Variants in ARHGEF3 observed in about 807,000 individuals in gnomAD.
ARHGEF3 encodes the protein 59.8 kDA protein.
Under a neutral mutation model 63.2 loss-of-function variants are expected in ARHGEF3, and 28 were observed. The observed-to-expected ratio is 0.44, with a 90% confidence interval of 0.33 to 0.61. The LOEUF is 0.61. Ranked by LOEUF, ARHGEF3 falls within the 20% of genes least tolerant of loss-of-function variation. The pLI, the probability that ARHGEF3 is intolerant of heterozygous loss-of-function variation, is 0.03. For missense variants in ARHGEF3, 533 were observed against 659.3 expected (o/e 0.81, Z 2.10); for synonymous variants, 266 against 254.2 (o/e 1.05, Z -0.44).
intron 2 of ARHGEF3, among the ~76,000 whole-genome samples, chr3:57,000,018 C>T (rs1181375786): frequency 1.3e-5 from 2 of 152,064 alleles, no homozygotes; most frequent in Non-Finnish European, 2.9e-5. Flanking sequence ...TGACTTAACC[C>T]CTCTGAGCCT....
At chr3:56,949,614 C>T (rs560554686) in intron 3 of ARHGEF3, among the ~76,000 whole-genome samples, 24 of 152,088 alleles carry the variant, frequency 1.6e-4, no homozygotes, top group Middle Eastern at 3.4e-3. Flanking sequence ...CAAACCACTG[C>T]TCAATGAAAT....
At chr3:56,745,058 A>C in intron 7 of ARHGEF3, 147 bp downstream of exon 7, 1 of 1,057,066 alleles carries the variant, frequency 9.5e-7, no homozygotes, top group Non-Finnish European at 1.4e-6. Context: ...GCAAAATCAA[A>C]ACATGGTTGA....
At chr3:57,049,698 A>C (rs1474210696) in intron 1 of ARHGEF3, among the ~76,000 whole-genome samples, 1 of 152,186 alleles carries the variant, frequency 6.6e-6, no homozygotes, top group Non-Finnish European at 1.5e-5. Context: ...GCAAAGCCTG[A>C]CAAGAGGAGA....
chr3:56,727,990 G>A lies in ARHGEF3; in HGVS notation c.*1280C>T, dbSNP rs560836606. The stretch of plus-strand genomic sequence containing the variant: ...TAGAATAATTACCACTAGTGCTGGT[G>A]TGGGTATAATTTTGCACAGGTCATC... On this transcript the variant is annotated 3_prime_UTR_variant, in exon 10 of 10. Coordinates refer to ENST00000296315, the MANE Select transcript of ARHGEF3 (RefSeq NM_019555.3). 6.5e-6 allele frequency: 1 copy of A among 152,738 alleles called. No homozygotes were observed. The highest frequency in any genetic ancestry group is 2.1e-4 in the South Asian group (1 of 4,826). The allele number at this position is 152,738 out of a possible 1,614,324, so 9.5% of individuals were successfully genotyped here. A position where few individuals can be genotyped will look rare whatever the true frequency, so the allele number is the denominator to read the frequency against.
intron 2 of ARHGEF3, among the ~76,000 whole-genome samples, chr3:56,985,145 A>G (rs1165901370): frequency 1.3e-5 from 2 of 152,200 alleles, no homozygotes; most frequent in Non-Finnish European, 2.9e-5. Flanking sequence ...GGGGAATGCA[A>G]TGGTGCAATC....
At chr3:57,039,597 A>G (rs1704095238) in intron 1 of ARHGEF3, among the ~76,000 whole-genome samples, 1 of 152,204 alleles carries the variant, frequency 6.6e-6, no homozygotes, top group African/African-American at 2.4e-5. Context: ...ATGGGTCTAC[A>G]TGGCCTTGCA....
intron 4 of ARHGEF3, among the ~76,000 whole-genome samples, chr3:56,864,477 C>T (rs148417335): frequency 6.6e-4 from 100 of 152,360 alleles, no homozygotes; most frequent in African/African-American, 2.1e-3. Flanking sequence ...TGGTTAAATG[C>T]CCTAACAGCA....
chr3:56,879,356 C>T (rs2040693995), intron 4 of ARHGEF3, among the ~76,000 whole-genome samples: 1 of 152,138 alleles, frequency 6.6e-6, no homozygotes, highest in Non-Finnish European at 1.5e-5. Flanking sequence ...AACTTTAAGT[C>T]CCAGATACAT....
intron 4 of ARHGEF3, among the ~76,000 whole-genome samples, chr3:56,867,663 G>A (rs2040298858): frequency 6.6e-6 from 1 of 152,024 alleles, no homozygotes; most frequent in Non-Finnish European, 1.5e-5. Flanking sequence ...TAGAGACAGG[G>A]TTTCGTCGTG....
At position 56,967,053 on chromosome 3, in the gene ARHGEF3, G is replaced by C. The variant is rs1700528788; in HGVS notation, c.63-8164C>G. On this transcript the variant is annotated intron_variant, in intron 2 of 12. Coordinates refer to the ARHGEF3 transcript ENST00000338458. Reference sequence around the variant, plus strand: ...TAATTTTGTATTTTTAGTAGAGACAGGATTTCTCCATGTTGGTCAGGTTGG... The same window carrying C: ...TAATTTTGTATTTTTAGTAGAGACACGATTTCTCCATGTTGGTCAGGTTGG... Among the ~76,000 whole-genome samples the C allele has an allele frequency of 2.0e-5, 3 of 148,970 alleles. No individual in the cohort carries two copies. The Admixed American group carries it at 2.0e-4, about 10-fold the overall frequency.
intron 2 of ARHGEF3, among the ~76,000 whole-genome samples, chr3:57,013,785 C>T (rs909674362): frequency 1.3e-5 from 2 of 152,186 alleles, no homozygotes; most frequent in African/African-American, 4.8e-5. Context: ...TGTAAACATA[C>T]CAATCAGCAC....
intron 4 of ARHGEF3, among the ~76,000 whole-genome samples, chr3:56,859,165 T>C (rs1248747789): frequency 6.6e-6 from 1 of 152,196 alleles, no homozygotes; most frequent in Non-Finnish European, 1.5e-5. Context: ...ATTATTGTTT[T>C]GTTTTGTTTT....
chr3:56,821,751 G>T (rs1315086009), intron 4 of ARHGEF3, among the ~76,000 whole-genome samples: 4 of 152,056 alleles, frequency 2.6e-5, no homozygotes, highest in Non-Finnish European at 5.9e-5. Context: ...ATCACCTGAG[G>T]TCAGAAGTTT....
At chr3:56,743,617 C>A (rs957520293) in intron 7 of ARHGEF3, among the ~76,000 whole-genome samples, 2 of 152,112 alleles carry the variant, frequency 1.3e-5, no homozygotes, top group African/African-American at 4.8e-5. Flanking sequence ...TTACTAGATA[C>A]TCAATGCCAG....
intron 2 of ARHGEF3, among the ~76,000 whole-genome samples, chr3:56,968,927 G>A (rs539254827): frequency 2.4e-4 from 37 of 152,152 alleles, no homozygotes; most frequent in Non-Finnish European, 4.9e-4. Context: ...AATAACCTCT[G>A]ACTGTGAAAA....
At chr3:57,045,132 T>C (rs1704392399) in intron 1 of ARHGEF3, among the ~76,000 whole-genome samples, 11 of 152,124 alleles carry the variant, frequency 7.2e-5, no homozygotes, top group Admixed American at 7.2e-4. Flanking sequence ...CTGGGCGTGG[T>C]GGCGGGCACC....
intron 3 of ARHGEF3, among the ~76,000 whole-genome samples, chr3:56,889,948 G>C (rs1319999545): frequency 6.6e-6 from 1 of 152,058 alleles, no homozygotes; most frequent in Non-Finnish European, 1.5e-5. Flanking sequence ...TGTAATCATA[G>C]CTATCCAGAA....
intron 2 of ARHGEF3, chr3:56,977,140 G>T (rs924574504): frequency 2.8e-5 from 12 of 427,552 alleles, no homozygotes; most frequent in African/African-American, 2.4e-4. Flanking sequence ...AAAGGGTAAG[G>T]CCAGACAGTC....
At chr3:56,866,056 T>A (rs1444149857) in intron 4 of ARHGEF3, among the ~76,000 whole-genome samples, 1 of 151,974 alleles carries the variant, frequency 6.6e-6, no homozygotes, top group East Asian at 1.9e-4. Flanking sequence ...TCCCAGCTAC[T>A]CAGAAGGCTG....
Sources: gnomAD v4.1 joint callset for allele counts (sites outside exome capture counted in the v4.1 genomes callset) on GRCh38, gnomAD v4.1.1 for gene constraint, MANE v1.5 for transcripts, NCBI Gene and HGNC (gene_info 2026-07-23, HGNC 2026-07-21) for gene names.